The following NGEF variants were observed in gnomAD, a reference collection of about 807,000 sequenced individuals.
NGEF encodes the protein neuronal guanine nucleotide exchange factor.
A neutral mutation model predicts 80.9 loss-of-function variants in NGEF; 31 were observed. That is an observed-to-expected ratio of 0.38 (90% CI 0.29 to 0.52). NGEF has a LOEUF of 0.52. Ranked by LOEUF, NGEF falls within the 20% of genes least tolerant of loss-of-function variation. The pLI, the probability that NGEF is intolerant of heterozygous loss-of-function variation, is 0.84. For missense variants in NGEF, 709 were observed against 926.2 expected (o/e 0.77, Z 3.04); for synonymous variants, 371 against 370.2 (o/e 1.00, Z -0.03).
intron 1 of NGEF, among the ~76,000 whole-genome samples, chr2:233,000,216 C>T (rs993430576): frequency 5.3e-5 from 8 of 152,194 alleles, no homozygotes; most frequent in African/African-American, 1.9e-4. Context: ...CCGCCTCAGT[C>T]TCCTGAGTAG....
At chr2:233,004,817 G>A (rs1267775848) in intron 1 of NGEF, among the ~76,000 whole-genome samples, 4 of 151,802 alleles carry the variant, frequency 2.6e-5, no homozygotes, top group African/African-American at 7.3e-5. Flanking sequence ...GCCTTTCTTC[G>A]GGGCTGTGTG....
chr2:232,894,559 G>A (rs1259493546), intron 6 of NGEF, 197 bp downstream of exon 6: 2 of 488,332 alleles, frequency 4.1e-6, no homozygotes, highest in South Asian at 5.9e-5. Flanking sequence ...GACGCCGGGG[G>A]ACGTGACTGG....
intron 3 of NGEF, among the ~76,000 whole-genome samples, chr2:232,969,091 G>A (rs954296912): frequency 9.2e-5 from 14 of 152,242 alleles, no homozygotes; most frequent in Admixed American, 8.5e-4. Flanking sequence ...GCTGAATTCG[G>A]TACTGACTGA....
At chr2:232,992,602 G>A (rs1044005025) in intron 1 of NGEF, among the ~76,000 whole-genome samples, 2 of 151,902 alleles carry the variant, frequency 1.3e-5, no homozygotes, top group African/African-American at 4.8e-5. Context: ...CACAGAATAG[G>A]AGAAAATATT....
chr2:232,888,394 G>A (rs1006984634), intron 8 of NGEF, among the ~76,000 whole-genome samples: 5 of 151,406 alleles, frequency 3.3e-5, no homozygotes, highest in South Asian at 2.1e-4. Context: ...ATGCATACAA[G>A]CACACGTGCA....
intron 8 of NGEF, among the ~76,000 whole-genome samples, chr2:232,888,709 CAG>C (rs566486910): frequency 7.9e-4 from 121 of 152,330 alleles, no homozygotes; most frequent in Admixed American, 2.1e-3. Flanking sequence ...GCTTACGGGA[CAG>C]GGGTAGGGGG....
At chr2:232,932,160 TTTC>T (rs1382469446) in intron 3 of NGEF, among the ~76,000 whole-genome samples, 4 of 110,984 alleles carry the variant, frequency 3.6e-5, no homozygotes, top group African/African-American at 1.2e-4. Flanking sequence ...CAGAATCACC[TTTC>T]TTTTTTTTTT....
chr2:232,927,305 T>G, intron 3 of NGEF, 119 bp from the exon 4 acceptor site: 1 of 1,114,326 alleles, frequency 9.0e-7, no homozygotes, highest in Non-Finnish European at 1.2e-6. Flanking sequence ...CCCGGGACCG[T>G]CCAGGGGCAG....
At chr2:232,949,894 C>T (rs758020580) in intron 3 of NGEF, among the ~76,000 whole-genome samples, 4 of 151,556 alleles carry the variant, frequency 2.6e-5, no homozygotes, top group Non-Finnish European at 2.9e-5. Context: ...TCACCACAAC[C>T]TCCACCTCCT....
At chr2:232,989,184 A>G (rs913963259) in intron 1 of NGEF, among the ~76,000 whole-genome samples, 1 of 152,168 alleles carries the variant, frequency 6.6e-6, no homozygotes, top group African/African-American at 2.4e-5. Flanking sequence ...GCGGTGGCTC[A>G]TGTCTGTAAT....
intron 6 of NGEF, 25 bp from the exon 7 acceptor site, chr2:232,893,075 G>A (rs1254692726): frequency 7.5e-6 from 12 of 1,604,332 alleles, no homozygotes; most frequent in Admixed American, 1.7e-5. Context: ...GGCTTGAGGC[G>A]GAGGGTGCCC....
chr2:232,908,693 C>T (rs966514976), intron 5 of NGEF, among the ~76,000 whole-genome samples: 9 of 152,128 alleles, frequency 5.9e-5, no homozygotes, highest in East Asian at 1.9e-4. Context: ...GCATGAGCCA[C>T]CATACTCTGC....
At chr2:232,921,846 G>A (rs113388819) in intron 4 of NGEF, among the ~76,000 whole-genome samples, 127 of 152,290 alleles carry the variant, frequency 8.3e-4, no homozygotes, top group African/African-American at 2.8e-3. Context: ...GAGCCAGGAC[G>A]GAGGCTTGCA....
intron 5 of NGEF, among the ~76,000 whole-genome samples, chr2:232,917,643 G>A (rs1036286455): frequency 6.6e-6 from 1 of 151,622 alleles, no homozygotes; most frequent in African/African-American, 2.4e-5. Flanking sequence ...CTAATTTTTT[G>A]TATTTTTAGT....
At chr2:232,896,051 T>TACTCCTCA (rs3038710) in intron 5 of NGEF, among the ~76,000 whole-genome samples, 1 of 151,162 alleles carries the variant, frequency 6.6e-6, no homozygotes, top group African/African-American at 2.4e-5. Flanking sequence ...CACCCTCTGA[T>TACTCCTCA]ACTTAGGGCG....
Position 232,892,869 on chromosome 2 carries a change from C to A in NGEF, c.1142+29G>T. On this transcript the variant is annotated intron_variant, in intron 7 of 14. Coordinates refer to ENST00000264051, the MANE Select transcript of NGEF (RefSeq NM_019850.3). The surrounding 1 kb of genome is among the most constrained non-coding windows in gnomAD (Gnocchi z 4.0). Reference sequence around the variant, plus strand: ...TGGCTGCCCCGGGCACCTCCCCCTGCCCCTGAGCCCCTTGCCGGATACACT... The same window carrying A: ...TGGCTGCCCCGGGCACCTCCCCCTGACCCTGAGCCCCTTGCCGGATACACT... The A allele has an allele frequency of 6.2e-7, 1 of 1,606,884 alleles. No homozygotes were observed. The highest frequency in any genetic ancestry group is 1.1e-5 in the South Asian group (1 of 90,584).
chr2:233,011,837 C>T (rs1192923011), intron 1 of NGEF, among the ~76,000 whole-genome samples: 2 of 152,172 alleles, frequency 1.3e-5, no homozygotes, highest in African/African-American at 4.8e-5. Flanking sequence ...CTCACACTGT[C>T]ATTGGATCAA....
intron 1 of NGEF, among the ~76,000 whole-genome samples, chr2:233,004,463 G>A (rs187796836): frequency 6.6e-6 from 1 of 152,322 alleles, no homozygotes; most frequent in Admixed American, 6.5e-5. Flanking sequence ...GCTAGGAGCT[G>A]CCCTTCAGCC....
intron 1 of NGEF, among the ~76,000 whole-genome samples, chr2:232,995,570 G>A (rs930951639): frequency 0.018 from 14 of 784 alleles, 1 homozygote; most frequent in Admixed American, 0.045. Flanking sequence ...TATGTATACT[G>A]TATATATATA....
Sources: gnomAD v4.1 joint callset for allele counts (sites outside exome capture counted in the v4.1 genomes callset) on GRCh38, gnomAD v4.1.1 for gene constraint, Gnocchi (gnomAD v3.1) non-coding constraint, MANE v1.5 for transcripts, NCBI Gene and HGNC (gene_info 2026-07-23, HGNC 2026-07-21) for gene names.